ITFG1: variants seen among roughly 807,000 people sequenced by gnomAD.
ITFG1 encodes the protein integrin alpha FG-GAP repeat containing 1, also known as T-cell immunomodulatory protein.
In ITFG1, 34 loss-of-function variants were observed where a neutral mutation model predicts 81.8. The ratio of observed to expected loss-of-function variants is 0.42; its 90% CI spans 0.32 to 0.55. The LOEUF (loss-of-function observed/expected upper bound fraction) is 0.55. ITFG1 is among the 20% of genes least tolerant of loss of function. The pLI is 0.17. For synonymous variants in ITFG1, 285 were observed against 270.6 expected, an observed-to-expected ratio of 1.05 and a Z score of -0.52; for missense variants, 672 against 755.4, an observed-to-expected ratio of 0.89 and a Z score of 1.29.
At chr16:47,254,557 G>C (rs1966118334) in intron 12 of ITFG1, among the ~76,000 whole-genome samples, 1 of 152,136 alleles carries the variant, frequency 6.6e-6, no homozygotes, top group African/African-American at 2.4e-5. Flanking sequence ...ATGCTAGTCA[G>C]CAAAACTCAC....
At chr16:47,409,187 A>G (rs1968767563) in intron 6 of ITFG1, among the ~76,000 whole-genome samples, 1 of 151,222 alleles carries the variant, frequency 6.6e-6, no homozygotes. Context: ...GACTTCTGCA[A>G]TGAAGTTTTT....
intron 13 of ITFG1, among the ~76,000 whole-genome samples, chr16:47,226,909 TG>T (rs1260018183): frequency 6.6e-6 from 1 of 152,184 alleles, no homozygotes; most frequent in Non-Finnish European, 1.5e-5. Flanking sequence ...GTTAATATAA[TG>T]GGTTATCTTT....
At chr16:47,237,562 A>C (rs891645015) in intron 13 of ITFG1, among the ~76,000 whole-genome samples, 1 of 152,214 alleles carries the variant, frequency 6.6e-6, no homozygotes, top group African/African-American at 2.4e-5. Flanking sequence ...TACACACAAA[A>C]AAGTCACTAA....
At chr16:47,397,879 G>C (rs1968612446) in intron 6 of ITFG1, among the ~76,000 whole-genome samples, 1 of 152,190 alleles carries the variant, frequency 6.6e-6, no homozygotes, top group African/African-American at 2.4e-5. Flanking sequence ...CTACCTTAGA[G>C]GATGAAGAGG....
chr16:47,282,453 A>G (rs1966460195), intron 10 of ITFG1, among the ~76,000 whole-genome samples: 1 of 152,142 alleles, frequency 6.6e-6, no homozygotes, highest in Non-Finnish European at 1.5e-5. Flanking sequence ...TCCATGGTGT[A>G]TATGTATATG....
At chr16:47,201,267 G>C (rs945159743) in intron 14 of ITFG1, among the ~76,000 whole-genome samples, 1 of 148,754 alleles carries the variant, frequency 6.7e-6, no homozygotes, top group Non-Finnish European at 1.5e-5. Flanking sequence ...GGAGTGCAGT[G>C]GTGAGATCTT....
intron 12 of ITFG1, among the ~76,000 whole-genome samples, chr16:47,248,954 T>C (rs1258479122): frequency 2.6e-5 from 4 of 152,214 alleles, no homozygotes; most frequent in Non-Finnish European, 5.9e-5. Flanking sequence ...ATAACTGTTT[T>C]TGTTTGATTT....
At chr16:47,279,730 T>A (rs2151549690) in intron 10 of ITFG1, among the ~76,000 whole-genome samples, 1 of 152,322 alleles carries the variant, frequency 6.6e-6, no homozygotes, top group South Asian at 2.1e-4. Flanking sequence ...AGAAATGATA[T>A]TTTTGGATGT....
intron 6 of ITFG1, among the ~76,000 whole-genome samples, chr16:47,409,849 CA>C (rs951213290): frequency 6.6e-6 from 1 of 150,944 alleles, no homozygotes; most frequent in Non-Finnish European, 1.5e-5. Context: ...TCTATATAGC[CA>C]AAAAAAACCT....
At position 47,237,679 on chromosome 16, in the gene ITFG1, C is replaced by G. The variant is rs112001301; in HGVS notation, c.1374+286G>C. ...CGTGTGGAGAGGCATCTAATCTAAA[C>G]AAGTGTAATGAAATATTATAAATGC... On this transcript the variant is annotated intron_variant, in intron 13 of 17. Transcript: ENST00000320640. Among the ~76,000 whole-genome samples, 1,145 of 152,180 alleles carry G rather than the reference C, an allele frequency of 7.5e-3. 19 individuals carry two copies. The highest frequency in any genetic ancestry group is 0.026 in the African/African-American group (1,086 of 41,492).
At chr16:47,291,480 C>T (rs987383329) in intron 10 of ITFG1, among the ~76,000 whole-genome samples, 2 of 152,166 alleles carry the variant, frequency 1.3e-5, no homozygotes, top group African/African-American at 4.8e-5. Context: ...AAACGTCCAT[C>T]TCTCTCCACC....
In ITFG1 at chr16:47,241,120, G is replaced by T. The variant is rs552075213; in HGVS notation, c.1331-3112C>A. ...TTAACATTTTATACACACTAAGATG[G>T]TTATAATAAAACAGTCCAAGAATAA... On this transcript the variant is annotated intron_variant, in intron 12 of 17. Transcript: ENST00000320640. Among the ~76,000 whole-genome samples, 10 of 151,724 alleles carry T rather than the reference G, an allele frequency of 6.6e-5. No homozygotes were observed. In the South Asian group the frequency reaches 2.1e-3, roughly 32 times the overall value.
At chr16:47,453,471 A>G (rs2151619197) in intron 3 of ITFG1, among the ~76,000 whole-genome samples, 1 of 152,356 alleles carries the variant, frequency 6.6e-6, no homozygotes, top group East Asian at 1.9e-4. Context: ...ATGCTGAATA[A>G]AAGTTAAGCC....
chr16:47,177,708 T>C (rs1965047954), intron 14 of ITFG1, among the ~76,000 whole-genome samples: 1 of 152,228 alleles, frequency 6.6e-6, no homozygotes, highest in African/African-American at 2.4e-5. Flanking sequence ...CAGAAGATCA[T>C]GGTTGTTATA....
intron 14 of ITFG1, among the ~76,000 whole-genome samples, chr16:47,189,331 A>G (rs1255131283): frequency 6.6e-6 from 1 of 152,062 alleles, no homozygotes; most frequent in Non-Finnish European, 1.5e-5. Flanking sequence ...CATTACCACA[A>G]AAAAAACCCC....
chr16:47,348,518 T>A (rs1046404173), intron 8 of ITFG1, among the ~76,000 whole-genome samples: 1 of 152,028 alleles, frequency 6.6e-6, no homozygotes, highest in Non-Finnish European at 1.5e-5. Flanking sequence ...GAAAAAAGAA[T>A]AAAAAGAAAT....
intron 14 of ITFG1, among the ~76,000 whole-genome samples, chr16:47,179,431 C>G (rs1255358575): frequency 6.6e-6 from 1 of 151,978 alleles, no homozygotes; most frequent in Non-Finnish European, 1.5e-5. Flanking sequence ...ATGTAACAAA[C>G]CTGCATGTTG....
In ITFG1 at chr16:47,244,010, G is replaced by A. The variant is rs62060612; in HGVS notation, c.1331-6002C>T. Among the ~76,000 whole-genome samples the A allele has an allele frequency of 5.4e-3, 828 of 152,252 alleles. 6 individuals are homozygous for A. The highest frequency in any genetic ancestry group is 8.6e-3 in the Admixed American group (132 of 15,302). On this transcript the variant is annotated intron_variant, in intron 12 of 17. Coordinates refer to ENST00000320640, the MANE Select transcript of ITFG1 (RefSeq NM_030790.5). ...TGCACCACTGGACTCCAGCCTGGGC[G>A]ATAAAGGGAGACTCTGTCTCTAAAT...
intron 8 of ITFG1, among the ~76,000 whole-genome samples, chr16:47,347,131 G>A (rs536028080): frequency 5.9e-5 from 9 of 152,338 alleles, no homozygotes; most frequent in East Asian, 3.9e-4. Flanking sequence ...CACAGAAGAC[G>A]GGTGATTTCT....
Sources: gnomAD v4.1 joint callset for allele counts (sites outside exome capture counted in the v4.1 genomes callset) on GRCh38, gnomAD v4.1.1 for gene constraint, MANE v1.5 for transcripts, NCBI Gene and HGNC (gene_info 2026-07-23, HGNC 2026-07-21) for gene names.